The following RFPL3 variants were observed in gnomAD, a reference collection of about 807,000 sequenced individuals.
RFPL3 encodes ret finger protein-like 3.
RFPL3 carries 8 observed loss-of-function variants against 8.7 expected under a neutral mutation model. The ratio of observed to expected loss-of-function variants is 0.92; its 90% CI spans 0.54 to 1.66. RFPL3 has a LOEUF of 1.66. Among genes scored for constraint, RFPL3 ranks in the 40% most tolerant of loss-of-function variants. The pLI, the probability that RFPL3 is intolerant of heterozygous loss-of-function variation, is 0.00. For synonymous variants in RFPL3, 145 were observed against 150.5 expected (o/e 0.96, Z 0.27); for missense variants, 341 against 395.0 (o/e 0.86, Z 1.16).
upstream of RFPL3, chr22:32,356,565 G>A (rs1473549279): frequency 1.0e-5 from 2 of 193,542 alleles, no homozygotes; most frequent in Non-Finnish European, 2.1e-5. Flanking sequence ...TATTTATTAA[G>A]GGTTTACTGG....
At position 32,360,425 on chromosome 22, in the gene RFPL3, G is replaced by A. The variant is rs370712068; in HGVS notation, c.547G>A (p.Glu183Lys). The change falls in exon 2 of 2, where the codon GAG becomes AAG. Residue 183 changes from glutamate to lysine, a missense_variant. Glu to Lys is a moderately conservative substitution (Grantham distance 56). Coordinates refer to ENST00000249007, the MANE Select transcript of RFPL3 (RefSeq NM_001098535.1). ...PRFTCGRHYW[E>K]VDVGTSTEWD... Reference sequence around the variant, plus strand: ...CTTTACCTGTGGCCGCCACTACTGGGAGGTGGACGTGGGAACAAGCACAGA... The same window carrying A: ...CTTTACCTGTGGCCGCCACTACTGGAAGGTGGACGTGGGAACAAGCACAGA... 3 of 1,613,840 alleles carry A rather than the reference G, an allele frequency of 1.9e-6. No individual in the cohort carries two copies. Among genetic ancestry groups the A allele is most frequent in the Non-Finnish European group, 2.5e-6 (3 of 1,179,898 alleles).
At chr22:32,359,595 C>A (rs1165304773) in intron 1 of RFPL3, among the ~76,000 whole-genome samples, 1 of 152,186 alleles carries the variant, frequency 6.6e-6, no homozygotes, top group Non-Finnish European at 1.5e-5. Context: ...AGACAACTTT[C>A]AAATACCTTT....
In RFPL3 at chr22:32,358,192, C is replaced by T; in HGVS notation, c.121C>T (p.Pro41Ser). Reference protein sequence around the residue: ...AALFQEASSCPVCSDYLEKPM... With the variant: ...AALFQEASSCSVCSDYLEKPM... ...ACTCTTCCAAGAAGCAAGCAGCTGTCCCGTCTGCTCAGACTATCTGGAAAA... is the reference window on the plus strand; with the variant it reads ...ACTCTTCCAAGAAGCAAGCAGCTGTTCCGTCTGCTCAGACTATCTGGAAAA... The change falls in exon 1 of 2, where the codon CCC (proline) becomes TCC (serine). Residue 41 changes from proline to serine, a missense_variant. By Grantham distance (74) the Pro-to-Ser change is moderately conservative. Coordinates refer to ENST00000249007, the MANE Select transcript of RFPL3 (RefSeq NM_001098535.1). The T allele has an allele frequency of 4.3e-6, 7 of 1,613,976 alleles. No homozygotes were observed. The highest frequency in any genetic ancestry group is 5.9e-6 in the Non-Finnish European group (7 of 1,179,860).
At position 32,360,603 on chromosome 22, in the gene RFPL3, T is replaced by C. The variant is rs1270285889; in HGVS notation, c.725T>C (p.Leu242Ser). The C allele has an allele frequency of 4.3e-6, 7 of 1,613,462 alleles. No individual in the cohort carries two copies. Among genetic ancestry groups the C allele is most frequent in the Non-Finnish European group, 5.9e-6 (7 of 1,179,488 alleles). Residue 242 changes from leucine to serine, a missense_variant, in exon 2 of 2, where the codon TTA (leucine) becomes TCA (serine). Transcript: ENST00000249007. The part of the protein sequence containing the change: ...PLTFLLVDRK[L>S]QRVGIFLDMG... Reference sequence around the variant, plus strand: ...ACTTTCCTCTTAGTAGACCGCAAGTTACAGCGAGTGGGGATTTTTCTGGAT... The same window carrying C: ...ACTTTCCTCTTAGTAGACCGCAAGTCACAGCGAGTGGGGATTTTTCTGGAT...
At chr22:32,357,370 G>A (rs1932702287), upstream of RFPL3, among the ~76,000 whole-genome samples, 1 of 152,054 alleles carries the variant, frequency 6.6e-6, no homozygotes, top group Admixed American at 6.5e-5. Flanking sequence ...AGGTCTTCCT[G>A]TGTTGTCCAG....
upstream of RFPL3, among the ~76,000 whole-genome samples, chr22:32,356,179 T>A (rs1213008372): frequency 1.3e-5 from 2 of 149,948 alleles, no homozygotes; most frequent in African/African-American, 4.9e-5. Flanking sequence ...AGGCCCAGAG[T>A]AGGATTTCAA....
rs1361508887 is a variant in RFPL3, at chr22:32,360,895, C to T, written c.*63C>T. The T allele has an allele frequency of 6.8e-7, 1 of 1,466,214 alleles. No homozygotes were observed. Among genetic ancestry groups the T allele is most frequent in the Non-Finnish European group, 9.1e-7 (1 of 1,094,984 alleles). 90.8% of individuals were successfully genotyped at this position (1,466,214 alleles called of 1,614,324 possible). A position where few individuals can be genotyped will look rare whatever the true frequency, so the allele number is the denominator to read the frequency against. ...TTGGGTGGGTAGACTTAGGAATTTT[C>T]TACTTGGTAAAAGCATTATACAGTC... On this transcript the variant is annotated 3_prime_UTR_variant, in exon 2 of 2. Coordinates refer to ENST00000249007, the MANE Select transcript of RFPL3 (RefSeq NM_001098535.1).
In RFPL3 at chr22:32,357,872, G is replaced by A. The variant is rs113754159; in HGVS notation, c.-200G>A. 2.0e-5 allele frequency: 29 copies of A among 1,443,012 alleles called. 1 individual carries two copies. The highest frequency in any genetic ancestry group is 7.6e-5 in the East Asian group (3 of 39,592). 89.4% of individuals were successfully genotyped at this position (1,443,012 alleles called of 1,614,324 possible). A position where few individuals can be genotyped will look rare whatever the true frequency, so the allele number is the denominator to read the frequency against. On this transcript the variant is annotated 5_prime_UTR_variant, in exon 1 of 2. Coordinates refer to ENST00000249007, the MANE Select transcript of RFPL3 (RefSeq NM_001098535.1). ...CTGTTCCTCACATGGGTGCTGCCAC[G>A]TCACTGGCTCAGGCTCAGCTGCTGG...
chr22:32,357,720 G>T (rs1932715334), upstream of RFPL3: 1 of 424,998 alleles, frequency 2.4e-6, no homozygotes, highest in Non-Finnish European at 3.5e-6. Flanking sequence ...ACCCACCTTG[G>T]CCTCCCGAAG....
At chr22:32,355,248 C>G (rs1049860809), upstream of RFPL3, among the ~76,000 whole-genome samples, 12 of 115,966 alleles carry the variant, frequency 1.0e-4, no homozygotes, top group Non-Finnish European at 2.5e-4. Flanking sequence ...AAAGCCCAAT[C>G]AGAGTAGATC....
At chr22:32,357,473 T>A (rs199532949), upstream of RFPL3, among the ~76,000 whole-genome samples, 1 of 103,654 alleles carries the variant, frequency 9.6e-6, no homozygotes, top group African/African-American at 3.8e-5. Context: ...TCCAGCCCCC[T>A]TTTTTTTTTT....
upstream of RFPL3, among the ~76,000 whole-genome samples, chr22:32,357,612 G>A (rs143947182): frequency 4.1e-3 from 628 of 152,244 alleles, 2 homozygotes; most frequent in Non-Finnish European, 5.4e-3. Context: ...GATTACAGGC[G>A]TGTGCCACCA....
At chr22:32,360,174 T>C in intron 1 of RFPL3, 78 bp from the exon 2 acceptor site, 2 of 1,494,736 alleles carry the variant, frequency 1.3e-6, no homozygotes, top group East Asian at 4.6e-5. Context: ...TCAGGAGATA[T>C]TTGGGCCTTT....
intron 1 of RFPL3, 124 bp from the exon 2 acceptor site, chr22:32,360,128 A>G (rs1932763168): frequency 7.6e-7 from 1 of 1,314,780 alleles, no homozygotes; most frequent in Admixed American, 2.7e-5. Flanking sequence ...AAAAGTTTTG[A>G]TTTTGGAGGA....
chr22:32,356,618 C>G, upstream of RFPL3: 1 of 219,888 alleles, frequency 4.5e-6, no homozygotes, highest in Non-Finnish European at 9.5e-6. Context: ...GAGGGGATCT[C>G]TGTTCTGGGA....
Position 32,360,654 on chromosome 22 carries a change from T to C in RFPL3, c.776T>C (p.Phe259Ser), listed in dbSNP as rs1305011560. The C allele has an allele frequency of 6.8e-6, 11 of 1,613,570 alleles. No individual in the cohort carries two copies. Among genetic ancestry groups the C allele is most frequent in the Non-Finnish European group, 8.5e-6 (10 of 1,179,738 alleles). Residue 259 changes from phenylalanine (F) to serine (S), a missense_variant, in exon 2 of 2, where the codon TTT (phenylalanine) becomes TCT (serine). Transcript: ENST00000249007. ...LDMGMQNVSF[F>S]DAESGSHVYT... ...ATGGGCATGCAGAACGTTTCCTTTT[T>C]TGATGCTGAAAGTGGTTCCCATGTC...
chr22:32,355,071 C>CCCG, upstream of RFPL3, among the ~76,000 whole-genome samples: 1 of 150,506 alleles, frequency 6.6e-6, no homozygotes, highest in East Asian at 2.3e-4. Context: ...GACAAAACTC[C>CCCG]CCCCACTTGG....
chr22:32,357,694 T>C (rs1408084006), upstream of RFPL3, among the ~76,000 whole-genome samples: 5 of 152,224 alleles, frequency 3.3e-5, no homozygotes, highest in Admixed American at 1.3e-4. Context: ...GAACTTTTGA[T>C]GACCTCAGAT....
In RFPL3 at chr22:32,360,935, T is replaced by A; in HGVS notation, c.*103T>A. 1 of 1,135,752 alleles carries A rather than the reference T, an allele frequency of 8.8e-7. No individual in the cohort carries two copies. The highest frequency in any genetic ancestry group is 1.2e-6 in the Non-Finnish European group (1 of 824,026). The allele number at this position is 1,135,752 out of a possible 1,614,324, so 70.4% of individuals were successfully genotyped here. A position where few individuals can be genotyped will look rare whatever the true frequency, so the allele number is the denominator to read the frequency against. ...ATTATACAGTCATAGGAGAAAGATA[T>A]GGGACATTTCTATAATCTATATTCT... is the stretch of plus-strand genomic sequence containing the variant. On this transcript the variant is annotated 3_prime_UTR_variant, in exon 2 of 2. Transcript: ENST00000249007.
Sources: allele counts gnomAD v4.1 joint callset (sites outside exome capture counted in the v4.1 genomes callset), GRCh38; gene constraint gnomAD v4.1.1; transcripts MANE v1.5; gene names NCBI Gene and HGNC (gene_info 2026-07-23, HGNC 2026-07-21).